The following ITPR2 variants were observed in gnomAD, a reference collection of about 807,000 sequenced individuals.
The protein encoded by ITPR2 is inositol 1,4,5-trisphosphate-gated calcium channel ITPR2.
Under a neutral mutation model 317.1 loss-of-function variants are expected in ITPR2, and 207 were observed. The ratio of observed to expected loss-of-function variants is 0.65; its 90% CI spans 0.58 to 0.73. ITPR2 has a LOEUF of 0.73. ITPR2 is among the 30% of genes least tolerant of loss of function. The pLI is 0.00. For missense variants in ITPR2, 2,613 were observed against 3,284.0 expected (o/e 0.80, Z 4.99); for synonymous variants, 1,156 against 1,149.1 (o/e 1.01, Z -0.12).
intron 21 of ITPR2, among the ~76,000 whole-genome samples, chr12:26,642,107 T>C (rs1466593738): frequency 6.6e-6 from 1 of 152,168 alleles, no homozygotes; most frequent in Non-Finnish European, 1.5e-5. Context: ...TGCAAAAGGC[T>C]TGCTGCCTAG....
rs572659005 is a variant in ITPR2, at chr12:26,814,844, C to T, written c.92+17846G>A. Among the ~76,000 whole-genome samples the T allele has an allele frequency of 4.6e-5, 7 of 152,258 alleles. No homozygotes were observed. In the South Asian group the frequency reaches 1.5e-3, roughly 32 times the overall value. ...GCAGAAATAAAATACACTCTTTATA[C>T]CTTTTCAATCCCAATGACTTGTGTA... On this transcript the variant is annotated intron_variant, in intron 1 of 56. Transcript: ENST00000381340.
intron 37 of ITPR2, among the ~76,000 whole-genome samples, chr12:26,528,816 C>T (rs1023174540): frequency 3.3e-5 from 5 of 152,220 alleles, no homozygotes; most frequent in African/African-American, 7.2e-5. Context: ...ATTTGCTGTG[C>T]TGTGTTGTGC....
chr12:26,827,610 T>C (rs1951027726), intron 1 of ITPR2, among the ~76,000 whole-genome samples: 1 of 152,176 alleles, frequency 6.6e-6, no homozygotes, highest in Non-Finnish European at 1.5e-5. Flanking sequence ...ACAATAACAA[T>C]GTATATCATC....
At position 26,557,323 on chromosome 12, in the gene ITPR2, A is replaced by G. The variant is rs539125743; in HGVS notation, c.4822-948T>C. On this transcript the variant is annotated intron_variant, in intron 35 of 56. Transcript: ENST00000381340. Reference sequence around the variant, plus strand: ...TGTCATTTCTGAGTCAGGCCACAACATTCTCAGGGGATGAGCCCCCTCAGC... The same window carrying G: ...TGTCATTTCTGAGTCAGGCCACAACGTTCTCAGGGGATGAGCCCCCTCAGC... Among the ~76,000 whole-genome samples, 6 of 152,268 alleles carry G rather than the reference A, an allele frequency of 3.9e-5. No homozygotes were observed. The South Asian group carries it at 8.3e-4, about 21-fold the overall frequency.
rs879582358 is a variant in ITPR2, at chr12:26,765,849, C to G, written c.163+24308G>C. On this transcript the variant is annotated intron_variant, in intron 2 of 56. Coordinates refer to ENST00000381340, the MANE Select transcript of ITPR2 (RefSeq NM_002223.4). ...ATCATTAATCTAATTTCTGTCTCTA[C>G]AGATTTGCCTATTCTTGACATTCCA... Among the ~76,000 whole-genome samples the G allele has an allele frequency of 3.3e-5, 5 of 152,134 alleles. No individual in the cohort carries two copies. The South Asian group carries it at 1.0e-3, about 31-fold the overall frequency.
intron 13 of ITPR2, among the ~76,000 whole-genome samples, chr12:26,669,260 A>T (rs1346565144): frequency 6.6e-6 from 1 of 152,056 alleles, no homozygotes; most frequent in East Asian, 1.9e-4. Context: ...AAAGAGAACT[A>T]TTAAAAGGCA....
chr12:26,531,140 G>T (rs574567811), intron 37 of ITPR2, among the ~76,000 whole-genome samples: 1 of 152,174 alleles, frequency 6.6e-6, no homozygotes, highest in Non-Finnish European at 1.5e-5. Flanking sequence ...TCTGTGTCTG[G>T]TTCCCTTGGA....
At chr12:26,462,765 G>A (rs1942069789) in intron 45 of ITPR2, among the ~76,000 whole-genome samples, 1 of 150,148 alleles carries the variant, frequency 6.7e-6, no homozygotes, top group African/African-American at 2.5e-5. Flanking sequence ...TCCGCCTCCC[G>A]GGTTCAAGCA....
At chr12:26,778,048 C>A (rs183172563) in intron 2 of ITPR2, among the ~76,000 whole-genome samples, 3 of 152,266 alleles carry the variant, frequency 2.0e-5, no homozygotes, top group African/African-American at 7.2e-5. Flanking sequence ...GTTCAACTTA[C>A]AGTGGGTCCA....
In ITPR2 at chr12:26,436,213, G is replaced by A; in HGVS notation, c.6769+8C>T. The A allele has an allele frequency of 6.4e-7, 1 of 1,573,922 alleles. No homozygotes were observed. Among genetic ancestry groups the A allele is most frequent in the Non-Finnish European group, 8.6e-7 (1 of 1,165,752 alleles). On this transcript the variant is annotated splice_region_variant and intron_variant, in intron 48 of 56. Coordinates refer to ENST00000381340, the MANE Select transcript of ITPR2 (RefSeq NM_002223.4). ...ATATTTATATTTTAAGGAAAAACGA[G>A]CACTTGCCTTCATCTCCATCATCCC... is the stretch of plus-strand genomic sequence containing the variant.
chr12:26,816,223 ATAC>A (rs775300675), intron 1 of ITPR2, among the ~76,000 whole-genome samples: 59 of 152,100 alleles, frequency 3.9e-4, no homozygotes, highest in Non-Finnish European at 7.6e-4. Context: ...TTTTTCAGAT[ATAC>A]TACTAATAAT....
chr12:26,494,426 T>A, intron 38 of ITPR2, 86 bp from the exon 39 acceptor site: 2 of 842,946 alleles, frequency 2.4e-6, no homozygotes, highest in Non-Finnish European at 3.4e-6. Flanking sequence ...TTTTATTATT[T>A]TAATAAAAAT....
intron 26 of ITPR2, among the ~76,000 whole-genome samples, chr12:26,607,536 G>A (rs1180427151): frequency 6.6e-6 from 1 of 151,996 alleles, no homozygotes; most frequent in Non-Finnish European, 1.5e-5. Flanking sequence ...ACCTTGCCTG[G>A]AAAGCTACTT....
intron 21 of ITPR2, among the ~76,000 whole-genome samples, chr12:26,642,007 C>G (rs1321076889): frequency 6.6e-6 from 1 of 152,094 alleles, no homozygotes; most frequent in Non-Finnish European, 1.5e-5. Flanking sequence ...AGAGGCACAG[C>G]CAGCATAGCA....
intron 2 of ITPR2, among the ~76,000 whole-genome samples, chr12:26,777,467 G>T (rs1028756318): frequency 6.6e-6 from 1 of 152,206 alleles, no homozygotes; most frequent in Non-Finnish European, 1.5e-5. Context: ...ATCCCAAGGT[G>T]GTAGGGGCCA....
chr12:26,558,880 GA>G (rs1189190128), intron 35 of ITPR2, among the ~76,000 whole-genome samples: 1 of 152,116 alleles, frequency 6.6e-6, no homozygotes, highest in Non-Finnish European at 1.5e-5. Context: ...TCCCCAAATA[GA>G]ACTCCTAATT....
At chr12:26,701,786 G>A (rs1948450334) in intron 9 of ITPR2, among the ~76,000 whole-genome samples, 1 of 152,174 alleles carries the variant, frequency 6.6e-6, no homozygotes, top group African/African-American at 2.4e-5. Context: ...GAATAGTCAG[G>A]AAATAAGTGT....
At chr12:26,736,830 A>AAC (rs1288589972) in intron 2 of ITPR2, among the ~76,000 whole-genome samples, 58 of 152,356 alleles carry the variant, frequency 3.8e-4, no homozygotes, top group Middle Eastern at 3.4e-3. Context: ...AGTTCTATAG[A>AAC]TGGCACATTT....
chr12:26,819,481 G>A (rs1342801225), intron 1 of ITPR2, among the ~76,000 whole-genome samples: 1 of 152,178 alleles, frequency 6.6e-6, no homozygotes, highest in African/African-American at 2.4e-5. Context: ...ATTACAAGGT[G>A]TCATATGCCC....
Sources: gnomAD v4.1 joint callset for allele counts (sites outside exome capture counted in the v4.1 genomes callset) on GRCh38, gnomAD v4.1.1 for gene constraint, MANE v1.5 for transcripts, NCBI Gene and HGNC (gene_info 2026-07-23, HGNC 2026-07-21) for gene names.